HERC1: variants seen among roughly 807,000 people sequenced by gnomAD.
HERC1 encodes probable E3 ubiquitin-protein ligase HERC1.
HERC1 carries 160 observed loss-of-function variants against 554.3 expected under a neutral mutation model. That is an observed-to-expected ratio of 0.29 (90% CI 0.25 to 0.33). The LOEUF (loss-of-function observed/expected upper bound fraction) is 0.33. Among genes scored for constraint, HERC1 ranks in the 10% least tolerant of loss-of-function variants. The pLI is 1.00. For missense variants in HERC1, 4,919 were observed against 5,918.5 expected (o/e 0.83, Z 5.54); for synonymous variants, 2,175 against 2,131.7 (o/e 1.02, Z -0.56).
chr15:63,729,182 AG>A, intron 16 of HERC1, 53 bp downstream of exon 16: 1 of 1,496,400 alleles, frequency 6.7e-7, no homozygotes, highest in South Asian at 1.3e-5. Flanking sequence ...TGGAAAGCCA[AG>A]TGTTCTTACT....
chr15:63,692,638 C>A lies in HERC1; in HGVS notation c.5675-72G>T. ...AATAGTCTTATATCACATAATTTAC[C>A]TTGAAACTGCAGTAAGCACAAATCT... On this transcript the variant is annotated intron_variant, in intron 30 of 77. Coordinates refer to ENST00000443617, the MANE Select transcript of HERC1 (RefSeq NM_003922.4). The surrounding 1 kb of genome is among the most constrained non-coding windows in gnomAD (Gnocchi z 4.7). 1 of 1,291,070 alleles carries A rather than the reference C, an allele frequency of 7.7e-7. No homozygotes were observed. Among genetic ancestry groups the A allele is most frequent in the Non-Finnish European group, 1.0e-6 (1 of 956,690 alleles). 80.0% of individuals were successfully genotyped at this position (1,291,070 alleles called of 1,614,324 possible).
chr15:63,791,746 T>C (rs1282579232), intron 1 of HERC1, among the ~76,000 whole-genome samples: 1 of 152,174 alleles, frequency 6.6e-6, no homozygotes, highest in Non-Finnish European at 1.5e-5. Context: ...TAATCAGCAG[T>C]CCCTCTCTCA....
At position 63,718,689 on chromosome 15, in the gene HERC1, T is replaced by C; in HGVS notation, c.3863A>G (p.Gln1288Arg). Residue 1288 changes from glutamine to arginine, a missense_variant, in exon 21 of 78, where the codon CAA (glutamine) becomes CGA (arginine). Physicochemically the swap from Gln to Arg is conservative, Grantham distance 43. Coordinates refer to ENST00000443617, the MANE Select transcript of HERC1 (RefSeq NM_003922.4). The surrounding 1 kb of genome is among the most constrained non-coding windows in gnomAD (Gnocchi z 4.2). ...LSQACGESRYQPGKHLSEVYR... is the reference protein window; with the variant it reads ...LSQACGESRYRPGKHLSEVYR... ...CACTTCTGATAAGTGTTTACCAGGT[T>C]GATATCTAAATGAAGAACCAAAATA... is the stretch of plus-strand genomic sequence containing the variant. The C allele has an allele frequency of 6.2e-7, 1 of 1,602,538 alleles. No homozygotes were observed. Among genetic ancestry groups the C allele is most frequent in the South Asian group, 1.1e-5 (1 of 90,050 alleles).
intron 25 of HERC1, among the ~76,000 whole-genome samples, chr15:63,700,089 C>T (rs2072634558): frequency 6.6e-6 from 1 of 152,028 alleles, no homozygotes; most frequent in Non-Finnish European, 1.5e-5. Context: ...TATCCTGAGG[C>T]CTGGGTTTAT....
chr15:63,654,233 C>T lies in HERC1; in HGVS notation c.10176G>A (p.Val3392=), dbSNP rs761597330. Residue 3392 remains valine (V), a synonymous_variant, in exon 51 of 78, where the codon GTG becomes GTA. Coordinates refer to ENST00000443617, the MANE Select transcript of HERC1 (RefSeq NM_003922.4). ...QHRQWAAQQL[V]RTLAAHDRDN... ...CACGGTCGTGTGCAGCAAGAGTGCG[C>T]ACGAGTTGCTGAGCTGCCCATTGCC... 1.2e-5 allele frequency: 20 copies of T among 1,613,884 alleles called. No homozygotes were observed. In the East Asian group the frequency reaches 1.3e-4, roughly 11 times the overall value.
At chr15:63,633,005 T>C (rs1480137177) in intron 67 of HERC1, among the ~76,000 whole-genome samples, 194 bp from the exon 68 acceptor site, 1 of 152,118 alleles carries the variant, frequency 6.6e-6, no homozygotes, top group East Asian at 1.9e-4. Flanking sequence ...AGGGAGGGAG[T>C]GTGCAGGGGC....
At chr15:63,635,228 T>C (rs1047679210) in intron 65 of HERC1, among the ~76,000 whole-genome samples, 3 of 152,096 alleles carry the variant, frequency 2.0e-5, no homozygotes, top group Non-Finnish European at 4.4e-5. Flanking sequence ...TTTCTATTTT[T>C]TGTAGAGACA....
chr15:63,819,214 C>A (rs2077600551), intron 1 of HERC1, among the ~76,000 whole-genome samples: 1 of 152,100 alleles, frequency 6.6e-6, no homozygotes, highest in Non-Finnish European at 1.5e-5. Flanking sequence ...CAGTTCATTT[C>A]TGGTTGCATC....
intron 19 of HERC1, among the ~76,000 whole-genome samples, chr15:63,722,251 T>C (rs1352234422): frequency 2.0e-5 from 3 of 152,202 alleles, no homozygotes; most frequent in Admixed American, 1.3e-4. Context: ...CTTAATAGTA[T>C]ATCTTATCTC....
At chr15:63,671,203 C>CAAAAA (rs371521135) in intron 39 of HERC1, among the ~76,000 whole-genome samples, 39 of 123,478 alleles carry the variant, frequency 3.2e-4, no homozygotes, top group African/African-American at 1.2e-3. Context: ...AACTTTGTCT[C>CAAAAA]AAAAAAAAAA....
intron 52 of HERC1, 37 bp from the exon 53 acceptor site, chr15:63,651,417 C>A (rs1305838439): frequency 1.3e-6 from 2 of 1,582,298 alleles, no homozygotes; most frequent in South Asian, 2.3e-5. Context: ...TTCTAATCCC[C>A]ATCATTCAAA....
intron 8 of HERC1, among the ~76,000 whole-genome samples, chr15:63,750,003 A>G (rs1036636388): frequency 1.3e-5 from 2 of 152,248 alleles, no homozygotes; most frequent in African/African-American, 4.8e-5. Flanking sequence ...AGCTGATCTG[A>G]AAATAAAAAT....
intron 3 of HERC1, among the ~76,000 whole-genome samples, chr15:63,759,417 A>T (rs532046315): frequency 6.6e-6 from 1 of 152,220 alleles, no homozygotes; most frequent in Non-Finnish European, 1.5e-5. Context: ...GCCTGCCAAA[A>T]GCATAGGACC....
At chr15:63,706,867 T>C (rs1265387273) in intron 24 of HERC1, 36 bp from the exon 25 acceptor site, 4 of 1,313,756 alleles carry the variant, frequency 3.0e-6, no homozygotes, top group Middle Eastern at 2.0e-4. Context: ...TAAAATTTAG[T>C]TGTGAAAAGT....
rs572075670 is a variant in HERC1 at position 63,619,738 on chromosome 15, G to C, written c.13689-3056C>G. 5.0e-3 allele frequency among the ~76,000 whole-genome samples: 763 copies of C among 152,084 alleles called. 20 individuals carry two copies. Among genetic ancestry groups the C allele is most frequent in the Admixed American group, 0.041 (627 of 15,272 alleles). On this transcript the variant is annotated intron_variant, in intron 74 of 77. Transcript: ENST00000443617. ...TTAGTCTTGGGAGAGTGTATGTGTCGAGGAATTTATCCATTTCTTCTAGAT... is the reference window on the plus strand; with the variant it reads ...TTAGTCTTGGGAGAGTGTATGTGTCCAGGAATTTATCCATTTCTTCTAGAT...
In HERC1 at chr15:63,652,464, A is replaced by G. The variant is rs2069745547; in HGVS notation, c.10368T>C (p.Asn3456=). Residue 3456 remains asparagine (N), a synonymous_variant, in exon 52 of 78, where the codon AAT becomes AAC. Transcript: ENST00000443617. ...SGNDGTIRVW[N]VTKKQYSLQQ... is the part of the protein sequence containing the mutation. Reference sequence around the variant, plus strand: ...GCAGTGAATATTGCTTCTTGGTAACATTCCATACGCGGATGGTGCCATCAT... The same window carrying G: ...GCAGTGAATATTGCTTCTTGGTAACGTTCCATACGCGGATGGTGCCATCAT... 6.2e-7 allele frequency: 1 copy of G among 1,612,316 alleles called. No individual in the cohort carries two copies. Among genetic ancestry groups the G allele is most frequent in the African/African-American group, 1.3e-5 (1 of 74,938 alleles).
chr15:63,634,052 T>A, intron 66 of HERC1, 82 bp from the exon 67 acceptor site: 1 of 1,521,918 alleles, frequency 6.6e-7, no homozygotes, highest in South Asian at 1.2e-5. Context: ...TTTTCTCTAC[T>A]TCAGTGAAAA....
chr15:63,716,944 C>G (rs1035967683), intron 21 of HERC1, among the ~76,000 whole-genome samples: 1 of 152,012 alleles, frequency 6.6e-6, no homozygotes, highest in East Asian at 1.9e-4. Context: ...AACTTTGCCC[C>G]TGAACAAACC....
chr15:63,630,564 C>T lies in HERC1; in HGVS notation c.12868G>A (p.Gly4290Arg), dbSNP rs1406755092. Residue 4290 changes from glycine (G) to arginine (R), a missense_variant, in exon 69 of 78, where the codon GGA becomes AGA. By Grantham distance (125) the Gly-to-Arg change is moderately radical (BLOSUM62 -2). This residue lies in a region of HERC1 where 410 missense variants were observed against 467.0 expected (regional missense o/e 0.88). Transcript: ENST00000443617. ...ACTGCCACATCTTCTATGATTACTC[C>T]AGCCAGGACAGGGATTTGTTGCGGT... ...NRPQQIPVLA[G>R]VIIEDVAVGA... 2 of 1,613,938 alleles carry T rather than the reference C, an allele frequency of 1.2e-6. No homozygotes were observed. Among genetic ancestry groups the T allele is most frequent in the Admixed American group, 1.7e-5 (1 of 60,014 alleles).
Sources: gnomAD v4.1 joint callset for allele counts (sites outside exome capture counted in the v4.1 genomes callset) on GRCh38, gnomAD v4.1.1 for gene constraint, gnomAD v4.1.1 regional missense constraint, Gnocchi (gnomAD v3.1) non-coding constraint, MANE v1.5 for transcripts, NCBI Gene and HGNC (gene_info 2026-07-23, HGNC 2026-07-21) for gene names.